ZFYVE9: variants seen among roughly 807,000 people sequenced by gnomAD.
ZFYVE9 encodes the protein zinc finger FYVE domain-containing protein 9.
A neutral mutation model predicts 126.7 loss-of-function variants in ZFYVE9; 43 were observed. The ratio of observed to expected loss-of-function variants is 0.34; its 90% confidence interval spans 0.27 to 0.44. The LOEUF (loss-of-function observed/expected upper bound fraction) is 0.44. Ranked by LOEUF, ZFYVE9 falls within the 20% of genes least tolerant of loss-of-function variation. ZFYVE9 has a pLI of 1.00. For synonymous variants in ZFYVE9, 521 were observed against 597.4 expected (o/e 0.87, Z 1.87); for missense variants, 1,476 against 1,697.0 (o/e 0.87, Z 2.29).
intron 16 of ZFYVE9, among the ~76,000 whole-genome samples, chr1:52,339,723 A>G (rs1412874258): frequency 6.6e-6 from 1 of 152,252 alleles, no homozygotes; most frequent in African/African-American, 2.4e-5. Context: ...CAGGTATGCA[A>G]ACATGAAGAA....
chr1:52,258,251 T>G (rs566037125), intron 4 of ZFYVE9, among the ~76,000 whole-genome samples: 24 of 152,332 alleles, frequency 1.6e-4, no homozygotes, highest in Admixed American at 1.5e-3. Context: ...TGGTAAGATA[T>G]TTCAGCAGTA....
intron 2 of ZFYVE9, among the ~76,000 whole-genome samples, chr1:52,227,005 G>T (rs1039209830): frequency 2.0e-5 from 3 of 152,190 alleles, no homozygotes; most frequent in Non-Finnish European, 4.4e-5. Context: ...GGGGCCCCAA[G>T]ATTTTCCTTT....
chr1:52,253,623 G>A (rs1322746194), intron 4 of ZFYVE9: 6 of 1,342,414 alleles, frequency 4.5e-6, no homozygotes, highest in African/African-American at 1.4e-5. Context: ...CTTAAAAAAT[G>A]ACCACACCAA....
chr1:52,192,359 T>C (rs1178138867), intron 1 of ZFYVE9, among the ~76,000 whole-genome samples: 1 of 152,226 alleles, frequency 6.6e-6, no homozygotes, highest in Non-Finnish European at 1.5e-5. Context: ...CAAACATGCT[T>C]GTTCATCCGG....
chr1:52,181,812 G>T (rs180713144), intron 1 of ZFYVE9, among the ~76,000 whole-genome samples: 1 of 150,650 alleles, frequency 6.6e-6, no homozygotes, highest in Non-Finnish European at 1.5e-5. Flanking sequence ...CTGGCTGGCC[G>T]CCCCGTCTGA....
chr1:52,152,574 A>T (rs962999016), intron 1 of ZFYVE9, among the ~76,000 whole-genome samples: 1 of 152,172 alleles, frequency 6.6e-6, no homozygotes, highest in Non-Finnish European at 1.5e-5. Context: ...TTAAAATTAC[A>T]CAGAATAAAT....
At chr1:52,278,075 A>G (rs1424263579) in intron 8 of ZFYVE9, among the ~76,000 whole-genome samples, 2 of 152,222 alleles carry the variant, frequency 1.3e-5, no homozygotes, top group Non-Finnish European at 2.9e-5. Context: ...CTTCTACCCC[A>G]ACTATTTGAT....
At chr1:52,262,780 A>G (rs1224490615) in intron 4 of ZFYVE9, among the ~76,000 whole-genome samples, 1 of 152,160 alleles carries the variant, frequency 6.6e-6, no homozygotes, top group Non-Finnish European at 1.5e-5. Flanking sequence ...GTTCTCAAGA[A>G]AATAAATCTG....
Position 52,142,915 on chromosome 1 carries a change from G to A in ZFYVE9, c.-143+512G>A, listed in dbSNP as rs1385940508. 1.3e-5 allele frequency among the ~76,000 whole-genome samples: 2 copies of A among 152,184 alleles called. No individual in the cohort carries two copies. The highest frequency in any genetic ancestry group is 2.9e-5 in the Non-Finnish European group (2 of 68,024). On this transcript the variant is annotated intron_variant, in intron 1 of 18. Coordinates refer to ENST00000287727, the MANE Select transcript of ZFYVE9 (RefSeq NM_004799.4). This position sits in a 1 kb window ranked among gnomAD's most constrained non-coding sequence, Gnocchi z 4.5. ...ACCAAGAGAGCCCCTGCTACTCCTG[G>A]AGTGTCATTCATGGATCTGGCTTGC...
At chr1:52,212,294 G>A (rs1337779981) in intron 1 of ZFYVE9, among the ~76,000 whole-genome samples, 3 of 152,118 alleles carry the variant, frequency 2.0e-5, no homozygotes, top group African/African-American at 7.2e-5. Flanking sequence ...ACAGGCACAT[G>A]CCACTATGCC....
intron 13 of ZFYVE9, among the ~76,000 whole-genome samples, chr1:52,315,786 A>G (rs1011571947): frequency 2.6e-5 from 4 of 152,254 alleles, no homozygotes; most frequent in African/African-American, 9.6e-5. Flanking sequence ...TAAATGATCT[A>G]AATACCTTCA....
At chr1:52,249,316 A>G (rs1392591765) in intron 4 of ZFYVE9, among the ~76,000 whole-genome samples, 1 of 152,126 alleles carries the variant, frequency 6.6e-6, no homozygotes, top group African/African-American at 2.4e-5. Flanking sequence ...CTTGTTTTCT[A>G]TTGTTTTGAT....
intron 2 of ZFYVE9, among the ~76,000 whole-genome samples, chr1:52,232,113 TTC>T (rs1242947575): frequency 1.3e-5 from 2 of 152,316 alleles, no homozygotes; most frequent in Non-Finnish European, 2.9e-5. Context: ...ATTTCTGATT[TTC>T]TCTGTTTTTC....
chr1:52,204,663 G>T (rs1353197062), intron 1 of ZFYVE9, among the ~76,000 whole-genome samples: 1 of 152,100 alleles, frequency 6.6e-6, no homozygotes, highest in East Asian at 1.9e-4. Context: ...GGAGGTGAAG[G>T]TTGCAGTGAG....
chr1:52,281,590 C>G, intron 9 of ZFYVE9, 71 bp from the exon 10 acceptor site: 2 of 1,538,534 alleles, frequency 1.3e-6, no homozygotes, highest in Non-Finnish European at 1.8e-6. Context: ...ACACAGATTT[C>G]TGTGCATCTT....
intron 13 of ZFYVE9, among the ~76,000 whole-genome samples, chr1:52,324,045 G>A (rs944613176): frequency 1.3e-5 from 2 of 150,312 alleles, no homozygotes; most frequent in African/African-American, 4.9e-5. Context: ...GGCAACAAGA[G>A]CAAGACTCAG....
At chr1:52,267,093 C>T (rs970361813) in intron 6 of ZFYVE9, among the ~76,000 whole-genome samples, 1 of 152,156 alleles carries the variant, frequency 6.6e-6, no homozygotes, top group African/African-American at 2.4e-5. Flanking sequence ...AGTAATTACA[C>T]TGCTTGTCCT....
intron 1 of ZFYVE9, among the ~76,000 whole-genome samples, chr1:52,184,211 T>TTA (rs1235083291): frequency 7.4e-4 from 106 of 143,336 alleles, no homozygotes; most frequent in African/African-American, 1.1e-3. Context: ...ATATATATAT[T>TTA]TATATATATA....
intron 1 of ZFYVE9, among the ~76,000 whole-genome samples, chr1:52,184,197 T>TTATATATATATATTTATATATATAGA (rs1464578993): frequency 2.8e-5 from 4 of 145,094 alleles, no homozygotes; most frequent in African/African-American, 1.0e-4. Flanking sequence ...ACAAGTGTCA[T>TTATATATATATATTTATATATATAGA]TATATATATA....
Sources: allele counts gnomAD v4.1 joint callset (sites outside exome capture counted in the v4.1 genomes callset), GRCh38; gene constraint gnomAD v4.1.1; non-coding constraint Gnocchi (gnomAD v3.1); transcripts MANE v1.5; gene names NCBI Gene and HGNC (gene_info 2026-07-23, HGNC 2026-07-21).